TMEM260: variants seen among roughly 807,000 people sequenced by gnomAD.
TMEM260 encodes transmembrane protein 260, also known as protein O-mannosyl-transferase TMEM260.
Under a neutral mutation model 88.9 loss-of-function variants are expected in TMEM260, and 82 were observed. That is an observed-to-expected ratio of 0.92 (90% confidence interval 0.77 to 1.11). TMEM260 has a LOEUF of 1.11. Ranked by LOEUF, TMEM260 falls within the 50% of genes least tolerant of loss-of-function variation. The pLI is 0.00. For missense variants in TMEM260, 902 were observed against 853.4 expected, an observed-to-expected ratio of 1.06 and a Z score of -0.71; for synonymous variants, 314 against 309.3, an observed-to-expected ratio of 1.02 and a Z score of -0.16.
intron 15 of TMEM260, among the ~76,000 whole-genome samples, chr14:56,637,128 G>A (rs563479222): frequency 1.1e-4 from 17 of 152,346 alleles, no homozygotes; most frequent in Admixed American, 8.5e-4. Context: ...AGAGCCTCCT[G>A]AAGGAATGCA....
chr14:56,641,981 A>T (rs1889629781), intron 15 of TMEM260, among the ~76,000 whole-genome samples: 1 of 152,226 alleles, frequency 6.6e-6, no homozygotes, highest in African/African-American at 2.4e-5. Flanking sequence ...ATATGCACCC[A>T]ATACAGGAGC....
chr14:56,636,595 T>C lies in TMEM260; in HGVS notation c.1866T>C (p.Tyr622=), dbSNP rs777051088. 1 of 1,613,464 alleles carries C rather than the reference T, an allele frequency of 6.2e-7. No homozygotes were observed. The change falls in exon 15 of 16, where the codon TAT becomes TAC. Residue 622 remains tyrosine, a synonymous_variant. Coordinates refer to ENST00000261556, the MANE Select transcript of TMEM260 (RefSeq NM_017799.4). ...KVKAQLYAQA[Y]DLYKEIVYLQ... Reference sequence around the variant, plus strand: ...AAGCTCAACTCTACGCTCAAGCATATGACGTATGTTACACTTTTATATGTA... The same window carrying C: ...AAGCTCAACTCTACGCTCAAGCATACGACGTATGTTACACTTTTATATGTA...
rs1321939100 is a variant in TMEM260, at chr14:56,647,607, C to T, written c.*110C>T. 1.6e-6 allele frequency: 2 copies of T among 1,218,110 alleles called. No individual in the cohort carries two copies. The highest frequency in any genetic ancestry group is 2.2e-6 in the Non-Finnish European group (2 of 897,378). The allele number at this position is 1,218,110 out of a possible 1,614,324, so 75.5% of individuals were successfully genotyped here. A position where few individuals can be genotyped will look rare whatever the true frequency, so the allele number is the denominator to read the frequency against. ...CATAAAAAATTTAAAACTAAGTCATCTCCCAGATATAAGTATCATGGTCCA... is the reference window on the plus strand; with the variant it reads ...CATAAAAAATTTAAAACTAAGTCATTTCCCAGATATAAGTATCATGGTCCA... On this transcript the variant is annotated 3_prime_UTR_variant, in exon 16 of 16. Transcript: ENST00000261556.
At chr14:56,581,244 A>AT (rs1286242314) in intron 1 of TMEM260, among the ~76,000 whole-genome samples, 4 of 152,184 alleles carry the variant, frequency 2.6e-5, no homozygotes, top group African/African-American at 9.7e-5. Flanking sequence ...AACCCAACCC[A>AT]TATTCAAGGG....
chr14:56,594,014 G>T (rs1886054193), intron 3 of TMEM260, among the ~76,000 whole-genome samples: 1 of 152,140 alleles, frequency 6.6e-6, no homozygotes, highest in South Asian at 2.1e-4. Flanking sequence ...TACAAGGGCT[G>T]TGTTATTAAA....
chr14:56,631,347 G>A (rs1255259354), intron 12 of TMEM260, among the ~76,000 whole-genome samples: 1 of 152,208 alleles, frequency 6.6e-6, no homozygotes, highest in Admixed American at 6.5e-5. Context: ...TGTGGGCCAG[G>A]TGTGGTGACT....
chr14:56,616,533 T>C, intron 8 of TMEM260, among the ~76,000 whole-genome samples: 1 of 152,042 alleles, frequency 6.6e-6, no homozygotes, highest in African/African-American at 2.4e-5. Flanking sequence ...ACTATAAAAA[T>C]ACTTAAAATC....
At chr14:56,584,934 T>A in intron 1 of TMEM260, 67 bp from the exon 2 acceptor site, 1 of 1,395,150 alleles carries the variant, frequency 7.2e-7, no homozygotes, top group Non-Finnish European at 1.0e-6. Context: ...AGCATTTGGA[T>A]TTTGAAAACT....
At chr14:56,617,999 A>G (rs1887690777) in intron 9 of TMEM260, among the ~76,000 whole-genome samples, 1 of 152,178 alleles carries the variant, frequency 6.6e-6, no homozygotes, top group Non-Finnish European at 1.5e-5. Flanking sequence ...CAGAATAGAC[A>G]GATTTACCCA....
intron 15 of TMEM260, among the ~76,000 whole-genome samples, chr14:56,637,958 A>G (rs1889243900): frequency 6.6e-6 from 1 of 151,820 alleles, no homozygotes; most frequent in African/African-American, 2.4e-5. Context: ...AGGGTGCTAC[A>G]GAAACCCAGA....
chr14:56,622,376 A>G (rs1000538579), intron 11 of TMEM260, among the ~76,000 whole-genome samples: 3 of 149,278 alleles, frequency 2.0e-5, no homozygotes, highest in Admixed American at 1.3e-4. Context: ...TTGTTATTTT[A>G]TATTCAGCTA....
intron 3 of TMEM260, among the ~76,000 whole-genome samples, chr14:56,587,649 T>C (rs1405978970): frequency 6.6e-6 from 1 of 152,072 alleles, no homozygotes; most frequent in Non-Finnish European, 1.5e-5. Flanking sequence ...TTTAATAATA[T>C]AGTATGTGCT....
At chr14:56,618,939 A>G (rs7148317) in intron 10 of TMEM260, among the ~76,000 whole-genome samples, 176 bp downstream of exon 10, 16,926 of 152,152 alleles carry the variant, frequency 0.11, 1,493 homozygotes, top group African/African-American at 0.24. Flanking sequence ...AAGTTAAAGC[A>G]TGGGCGATGA....
chr14:56,623,651 G>A (rs954970874), intron 11 of TMEM260, among the ~76,000 whole-genome samples: 3 of 152,162 alleles, frequency 2.0e-5, no homozygotes, highest in Non-Finnish European at 4.4e-5. Context: ...CACATAGCAA[G>A]GTTATTTTGA....
chr14:56,586,021 A>C (rs1047264666), intron 3 of TMEM260, 109 bp downstream of exon 3: 112 of 1,116,362 alleles, frequency 1.0e-4, no homozygotes, highest in Non-Finnish European at 1.3e-4. Flanking sequence ...TTTCCCTAAC[A>C]CATGTGATTT....
chr14:56,618,454 G>T, intron 9 of TMEM260, 140 bp from the exon 10 acceptor site: 3 of 742,988 alleles, frequency 4.0e-6, no homozygotes, highest in East Asian at 2.6e-5. Context: ...GGCTTGGATT[G>T]GGGAAATCAG....
chr14:56,655,087 CAGAATT>C (rs1301829332), downstream of TMEM260, among the ~76,000 whole-genome samples: 5 of 152,090 alleles, frequency 3.3e-5, no homozygotes, highest in African/African-American at 7.2e-5. Context: ...CATTTACTCT[CAGAATT>C]AGAAGTAATT....
chr14:56,647,857 G>T lies in TMEM260; in HGVS notation c.*360G>T. The T allele has an allele frequency of 5.8e-6, 1 of 172,302 alleles. No homozygotes were observed. The highest frequency in any genetic ancestry group is 1.2e-5 in the Non-Finnish European group (1 of 80,412). 10.7% of individuals were successfully genotyped at this position (172,302 alleles called of 1,614,324 possible). A position where few individuals can be genotyped will look rare whatever the true frequency, so the allele number is the denominator to read the frequency against. ...AACTGTGTAAGGGCCATGCTTATTG[G>T]GATCAGTTTTAAAGTTAAATTCTTT... On this transcript the variant is annotated 3_prime_UTR_variant, in exon 16 of 16. Transcript: ENST00000261556.
Position 56,580,035 on chromosome 14 carries a change from A to G in TMEM260, c.121A>G (p.Thr41Ala), listed in dbSNP as rs1566518956. The change falls in exon 1 of 16, where the codon ACC (threonine) becomes GCC (alanine). Residue 41 changes from threonine to alanine, a missense_variant. Thr to Ala is a moderately conservative substitution (Grantham distance 58). Transcript: ENST00000261556. The part of the protein sequence containing the change: ...AVFAAVAAVF[T>A]FTLPPSVPGG... ...GTTCGCCGCCGTGGCCGCAGTGTTCACCTTCACCCTGCCCCCTTCGGTACC... is the reference window on the plus strand; with the variant it reads ...GTTCGCCGCCGTGGCCGCAGTGTTCGCCTTCACCCTGCCCCCTTCGGTACC... 4.0e-6 allele frequency: 5 copies of G among 1,250,814 alleles called. No individual in the cohort carries two copies. The highest frequency in any genetic ancestry group is 5.1e-6 in the Non-Finnish European group (5 of 990,072). The allele number at this position is 1,250,814 out of a possible 1,614,324, so 77.5% of individuals were successfully genotyped here.
Sources: gnomAD v4.1 joint callset for allele counts (sites outside exome capture counted in the v4.1 genomes callset) on GRCh38, gnomAD v4.1.1 for gene constraint, MANE v1.5 for transcripts, NCBI Gene and HGNC (gene_info 2026-07-23, HGNC 2026-07-21) for gene names.